CATSPERG: variants seen among roughly 807,000 people sequenced by gnomAD.
CATSPERG encodes catsper channel auxiliary subunit gamma.
CATSPERG carries 115 observed loss-of-function variants against 145.0 expected under a neutral mutation model. That is an observed-to-expected ratio of 0.79 (90% CI 0.68 to 0.93). The LOEUF is 0.93. CATSPERG is among the 40% of genes least tolerant of loss of function. CATSPERG has a pLI of 0.00. For synonymous variants in CATSPERG, 588 were observed against 589.0 expected (o/e 1.00, Z 0.02); for missense variants, 1,296 against 1,490.1 (o/e 0.87, Z 2.14).
intron 13 of CATSPERG, among the ~76,000 whole-genome samples, chr19:38,358,936 G>A (rs561175130): frequency 1.8e-4 from 27 of 151,978 alleles, no homozygotes; most frequent in African/African-American, 5.8e-4. Context: ...TGCAGCCCCC[G>A]CCTCCCAGAT....
At chr19:38,368,190 GC>G (rs1970488708) in intron 26 of CATSPERG, 53 bp downstream of exon 26, 1 of 1,505,364 alleles carries the variant, frequency 6.6e-7, no homozygotes, top group Non-Finnish European at 9.2e-7. Flanking sequence ...AGTCCATTGG[GC>G]CCACCTATCC....
intron 3 of CATSPERG, among the ~76,000 whole-genome samples, chr19:38,342,507 G>A (rs1300593144): frequency 6.6e-6 from 1 of 151,650 alleles, no homozygotes; most frequent in South Asian, 2.1e-4. Context: ...GGCTGAGGCA[G>A]GAGAATCACT....
chr19:38,336,376 G>C (rs1224941058), intron 1 of CATSPERG: 1 of 357,784 alleles, frequency 2.8e-6, no homozygotes, highest in Non-Finnish European at 5.7e-6. Context: ...ACGGGCCCGC[G>C]CGGGAAGAAC....
At chr19:38,361,969 G>A in intron 17 of CATSPERG, 108 bp downstream of exon 17, 1 of 767,460 alleles carries the variant, frequency 1.3e-6, no homozygotes, top group Non-Finnish European at 2.1e-6. Flanking sequence ...TTGGAGAACA[G>A]GACTGGTGGT....
rs1185699267 is a variant in CATSPERG at position 38,367,756 on chromosome 19, C to A, written c.2910C>A (p.Arg970=). The change falls in exon 25 of 29, where the codon CGC becomes CGA. Residue 970 remains arginine, a synonymous_variant. Transcript: ENST00000409235. ...ACTACAGTGAGGACGAAATCTACCG[C>A]TTCAACAGCCCCCTGGACAAGTAAT... ...LKDYSEDEIY[R]FNSPLDKTNS... is the part of the protein sequence containing the mutation. The A allele has an allele frequency of 6.2e-7, 1 of 1,614,094 alleles. No individual in the cohort carries two copies. The highest frequency in any genetic ancestry group is 1.3e-5 in the African/African-American group (1 of 75,042).
rs1250628703 is a variant in CATSPERG, at chr19:38,344,467, C to T, written c.669+99C>T. The T allele has an allele frequency of 1.3e-5, 13 of 1,001,436 alleles. No homozygotes were observed. In the South Asian group the frequency reaches 1.8e-4, roughly 14 times the overall value. The allele number at this position is 1,001,436 out of a possible 1,614,324, so 62.0% of individuals were successfully genotyped here. A position where few individuals can be genotyped will look rare whatever the true frequency, so the allele number is the denominator to read the frequency against. ...GCAGCAGATCCCATTTAGGGAGCAC[C>T]AACTTCATGCCAGGCCCCACATGAA... On this transcript the variant is annotated intron_variant, in intron 6 of 28. Transcript: ENST00000409235.
At chr19:38,346,705 A>G in intron 7 of CATSPERG, 100 bp downstream of exon 7, 2 of 1,115,162 alleles carry the variant, frequency 1.8e-6, no homozygotes, top group South Asian at 3.6e-5. Flanking sequence ...AAGTCCCCAA[A>G]GACATATCTG....
At position 38,336,129 on chromosome 19, in the gene CATSPERG, C is replaced by T. The variant is rs142381436; in HGVS notation, c.-15+254C>T. ...CAGGAGAGTCGGGGTATAGAGCAGG[C>T]AGGTGTTAATGGCATGGGAAGGAAG... On this transcript the variant is annotated intron_variant, in intron 1 of 28. Transcript: ENST00000409235. 1.2e-3 allele frequency: 560 copies of T among 451,528 alleles called. 1 individual carries two copies. The highest frequency in any genetic ancestry group is 0.01 in the African/African-American group (515 of 49,296). The allele number at this position is 451,528 out of a possible 1,614,324, so 28.0% of individuals were successfully genotyped here.
chr19:38,357,091 C>T (rs1970256964), intron 11 of CATSPERG, among the ~76,000 whole-genome samples: 1 of 152,076 alleles, frequency 6.6e-6, no homozygotes. Flanking sequence ...AGAATAGGGC[C>T]CCTATGTAGA....
intron 9 of CATSPERG, among the ~76,000 whole-genome samples, chr19:38,355,892 C>CA (rs1015305459): frequency 1.3e-5 from 2 of 152,258 alleles, no homozygotes; most frequent in African/African-American, 4.8e-5. Flanking sequence ...GAGACTGCTC[C>CA]ATCACACCTT....
rs761525740 is a variant in CATSPERG at position 38,370,837 on chromosome 19, A to C, written c.*45A>C. The C allele has an allele frequency of 6.3e-7, 1 of 1,589,752 alleles. No homozygotes were observed. Among genetic ancestry groups the C allele is most frequent in the Non-Finnish European group, 8.6e-7 (1 of 1,161,738 alleles). On this transcript the variant is annotated 3_prime_UTR_variant, in exon 29 of 29. Coordinates refer to ENST00000409235, the MANE Select transcript of CATSPERG (RefSeq NM_021185.5). ...CCCCAGTTACTGTCACGCCTCTCTTATGAGGCCCATCTTGAAGATGCAACC... is the reference window on the plus strand; with the variant it reads ...CCCCAGTTACTGTCACGCCTCTCTTCTGAGGCCCATCTTGAAGATGCAACC...
chr19:38,352,194 C>T lies in CATSPERG; in HGVS notation c.826-67C>T, dbSNP rs117832024. 5.6e-3 allele frequency: 8,370 copies of T among 1,486,302 alleles called. 206 individuals are homozygous for T. The East Asian group carries it at 0.059, about 11-fold the overall frequency. The allele number at this position is 1,486,302 out of a possible 1,614,324, so 92.1% of individuals were successfully genotyped here. ...GCAGCTGTCAGAGCAGGAGCTTCCC[C>T]GCAAGGCAGGACATGGGGGCTGAGG... On this transcript the variant is annotated intron_variant, in intron 7 of 28. Coordinates refer to ENST00000409235, the MANE Select transcript of CATSPERG (RefSeq NM_021185.5).
At chr19:38,345,260 A>C (rs2145071333) in intron 6 of CATSPERG, among the ~76,000 whole-genome samples, 1 of 150,600 alleles carries the variant, frequency 6.6e-6, no homozygotes, top group Non-Finnish European at 1.5e-5. Context: ...CGCCCTGCTA[A>C]TAATTTTTTT....
chr19:38,360,936 C>A, intron 16 of CATSPERG, 93 bp downstream of exon 16: 1 of 1,096,240 alleles, frequency 9.1e-7, no homozygotes, highest in African/African-American at 1.6e-5. Context: ...ACCGAGCTAA[C>A]CCCAGTGAAA....
chr19:38,361,037 T>C (rs936740071), intron 16 of CATSPERG, among the ~76,000 whole-genome samples, 194 bp downstream of exon 16: 1 of 152,028 alleles, frequency 6.6e-6, no homozygotes, highest in Admixed American at 6.6e-5. Context: ...CAGGGAGGGC[T>C]TCAAGGAGGA....
chr19:38,342,174 A>G (rs1032499204), intron 3 of CATSPERG, among the ~76,000 whole-genome samples: 3 of 151,730 alleles, frequency 2.0e-5, no homozygotes, highest in Non-Finnish European at 4.4e-5. Flanking sequence ...CCAAGAGTTC[A>G]AGACCAACCT....
At chr19:38,364,688 G>A (rs1970417739) in intron 20 of CATSPERG, among the ~76,000 whole-genome samples, 1 of 152,256 alleles carries the variant, frequency 6.6e-6, no homozygotes, top group South Asian at 2.1e-4. Flanking sequence ...GGGAGGCCGA[G>A]GCTGGCGGAT....
In CATSPERG at chr19:38,336,710, G is replaced by A. The variant is rs144589595; in HGVS notation, c.-14-511G>A. 770 of 259,050 alleles carry A rather than the reference G, an allele frequency of 3.0e-3. 4 individuals carry two copies. The highest frequency in any genetic ancestry group is 0.017 in the African/African-American group (743 of 44,436). The allele number at this position is 259,050 out of a possible 1,614,324, so 16.0% of individuals were successfully genotyped here. ...TGCGATCGCAGGCAGAAGCAGTACGGGGGAACTTAAGAGGGGGACTGTCAA... is the reference window on the plus strand; with the variant it reads ...TGCGATCGCAGGCAGAAGCAGTACGAGGGAACTTAAGAGGGGGACTGTCAA... On this transcript the variant is annotated intron_variant, in intron 1 of 28. Transcript: ENST00000409235.
chr19:38,370,609 G>C lies in CATSPERG; in HGVS notation c.3297G>C (p.Thr1099=). The C allele has an allele frequency of 2.5e-6, 4 of 1,614,140 alleles. No homozygotes were observed. The highest frequency in any genetic ancestry group is 3.4e-6 in the Non-Finnish European group (4 of 1,180,038). Reference sequence around the variant, plus strand: ...GGCCCCTCGTGGTGAAGGGCTGCACGATGATCCGGTGGAAGATAAACAACC... The same window carrying C: ...GGCCCCTCGTGGTGAAGGGCTGCACCATGATCCGGTGGAAGATAAACAACC... ...LLWPLVVKGC[T]MIRWKINNLI... Residue 1099 remains threonine, a synonymous_variant, in exon 29 of 29, where the codon ACG becomes ACC. Transcript: ENST00000409235.
Sources: gnomAD v4.1 joint callset for allele counts (sites outside exome capture counted in the v4.1 genomes callset) on GRCh38, gnomAD v4.1.1 for gene constraint, MANE v1.5 for transcripts, NCBI Gene and HGNC (gene_info 2026-07-23, HGNC 2026-07-21) for gene names.